DPYD: variants seen among roughly 807,000 people sequenced by gnomAD.
DPYD encodes the protein dihydropyrimidine dehydrogenase [NADP(+)].
Under a neutral mutation model 116.2 loss-of-function variants are expected in DPYD, and 109 were observed. The ratio of observed to expected loss-of-function variants is 0.94; its 90% confidence interval spans 0.80 to 1.10. The LOEUF (loss-of-function observed/expected upper bound fraction) is 1.10. Among genes scored for constraint, DPYD ranks in the 50% least tolerant of loss-of-function variants. The probability of loss-of-function intolerance (pLI) is 0.00; values close to 1 mark genes in which losing one functional copy is unlikely to be tolerated. For synonymous variants in DPYD, 440 were observed against 432.0 expected, an observed-to-expected ratio of 1.02 and a Z score of -0.23; for missense variants, 1,302 against 1,254.5, an observed-to-expected ratio of 1.04 and a Z score of -0.57.
intron 13 of DPYD, among the ~76,000 whole-genome samples, chr1:97,488,214 A>C (rs956912856): frequency 1.3e-5 from 2 of 152,144 alleles, no homozygotes; most frequent in Non-Finnish European, 2.9e-5. Context: ...TTTATACAAT[A>C]TTTTTGAAAT....
intron 20 of DPYD, among the ~76,000 whole-genome samples, chr1:97,188,369 G>A (rs774373666): frequency 1.3e-5 from 2 of 152,106 alleles, no homozygotes; most frequent in Admixed American, 6.6e-5. Flanking sequence ...GATCTAGCTG[G>A]AATTTTAATT....
intron 13 of DPYD, among the ~76,000 whole-genome samples, chr1:97,502,573 T>A (rs181943294): frequency 7.4e-4 from 112 of 152,132 alleles, no homozygotes; most frequent in Non-Finnish European, 9.4e-4. Context: ...ATTTAAGATG[T>A]CAAAGTCCAC....
chr1:97,635,454 T>C (rs1657505130), intron 8 of DPYD, among the ~76,000 whole-genome samples: 1 of 152,122 alleles, frequency 6.6e-6, no homozygotes, highest in African/African-American at 2.4e-5. Context: ...GGCTCCGCCA[T>C]GGGATTATGT....
intron 2 of DPYD, among the ~76,000 whole-genome samples, chr1:97,832,749 G>C (rs968040606): frequency 1.3e-5 from 2 of 152,148 alleles, no homozygotes; most frequent in Non-Finnish European, 2.9e-5. Flanking sequence ...GGAAGGTCTA[G>C]AGTTTCAACT....
At chr1:97,762,811 C>T (rs918981309) in intron 3 of DPYD, among the ~76,000 whole-genome samples, 11 of 152,006 alleles carry the variant, frequency 7.2e-5, no homozygotes, top group African/African-American at 2.2e-4. Context: ...CTCACACTCC[C>T]GAAATAGGGT....
intron 13 of DPYD, among the ~76,000 whole-genome samples, chr1:97,464,655 A>C (rs1263387825): frequency 6.6e-6 from 1 of 152,218 alleles, no homozygotes; most frequent in Non-Finnish European, 1.5e-5. Flanking sequence ...CAGCTTCCAC[A>C]TAATGTTGAG....
At chr1:97,528,751 G>T (rs1211622267) in intron 12 of DPYD, among the ~76,000 whole-genome samples, 3 of 151,780 alleles carry the variant, frequency 2.0e-5, no homozygotes, top group East Asian at 1.9e-4. Context: ...AATTATTTTT[G>T]ACTCCATTCT....
At chr1:97,573,416 C>T (rs1373283226) in intron 11 of DPYD, among the ~76,000 whole-genome samples, 1 of 152,030 alleles carries the variant, frequency 6.6e-6, no homozygotes, top group Non-Finnish European at 1.5e-5. Context: ...TGAAGACTGG[C>T]TGTTCCAACT....
At chr1:97,222,125 T>C (rs916595746) in intron 19 of DPYD, among the ~76,000 whole-genome samples, 3 of 152,050 alleles carry the variant, frequency 2.0e-5, no homozygotes, top group Non-Finnish European at 4.4e-5. Flanking sequence ...AAATGAAGAA[T>C]AAAAATAGTA....
chr1:97,148,253 T>TG (rs58371356), intron 20 of DPYD, among the ~76,000 whole-genome samples: 32 of 62,274 alleles, frequency 5.1e-4, no homozygotes, highest in East Asian at 1.1e-3. Context: ...TGTGTGTGTG[T>TG]GGGGGGGGTG....
chr1:97,663,368 C>A (rs1659376308), intron 8 of DPYD, among the ~76,000 whole-genome samples: 2 of 152,160 alleles, frequency 1.3e-5, no homozygotes, highest in Admixed American at 1.3e-4. Context: ...CCGACTTGTA[C>A]CTATTTCTTA....
intron 3 of DPYD, among the ~76,000 whole-genome samples, chr1:97,760,840 C>A (rs1400015068): frequency 1.3e-5 from 2 of 152,086 alleles, no homozygotes; most frequent in African/African-American, 4.8e-5. Flanking sequence ...CCAAACGTCC[C>A]CTGCCTCAGG....
At position 97,197,816 on chromosome 1, in the gene DPYD, T is replaced by C. The variant is rs1402681017; in HGVS notation, c.2443-4568A>G. Among the ~76,000 whole-genome samples, 3 of 152,084 alleles carry C rather than the reference T, an allele frequency of 2.0e-5. No homozygotes were observed. In the East Asian group the frequency reaches 5.8e-4, roughly 29 times the overall value. ...GAGAATGTGAACTGAACACAAAACC[T>C]TAAGAGGAAGGAGAGACTACAAGAT... On this transcript the variant is annotated intron_variant, in intron 19 of 22. Coordinates refer to ENST00000370192, the MANE Select transcript of DPYD (RefSeq NM_000110.4).
intron 1 of DPYD, among the ~76,000 whole-genome samples, chr1:97,898,444 A>G (rs1308328014): frequency 2.0e-5 from 3 of 151,930 alleles, no homozygotes; most frequent in Non-Finnish European, 2.9e-5. Context: ...TGCAGCCTAT[A>G]AACTCTCTCA....
At chr1:97,097,975 C>G (rs532809296) in intron 21 of DPYD, among the ~76,000 whole-genome samples, 49 of 152,218 alleles carry the variant, frequency 3.2e-4, no homozygotes, top group African/African-American at 1.2e-3. Context: ...GTAACACATA[C>G]TCATAATTCT....
At chr1:97,505,632 G>T (rs1376932207) in intron 13 of DPYD, among the ~76,000 whole-genome samples, 2 of 151,582 alleles carry the variant, frequency 1.3e-5, no homozygotes, top group East Asian at 3.9e-4. Flanking sequence ...TACAGTTTAA[G>T]TTGTCTAAAG....
intron 14 of DPYD, among the ~76,000 whole-genome samples, chr1:97,396,677 C>T (rs1188473434): frequency 6.6e-6 from 1 of 152,010 alleles, no homozygotes; most frequent in Non-Finnish European, 1.5e-5. Context: ...AATCACCTTG[C>T]TGCTCCTTAT....
At chr1:97,706,119 ATATGT>A (rs148949733) in intron 5 of DPYD, among the ~76,000 whole-genome samples, 2,282 of 152,106 alleles carry the variant, frequency 0.015, 48 homozygotes, top group African/African-American at 0.049. Context: ...CCCACTTAGA[ATATGT>A]TATATTTTAA....
chr1:97,332,312 T>C (rs570286522), intron 16 of DPYD, among the ~76,000 whole-genome samples: 1 of 152,324 alleles, frequency 6.6e-6, no homozygotes, highest in African/African-American at 2.4e-5. Flanking sequence ...AAGAGCTAAA[T>C]AAAAATGTAC....
Sources: gnomAD v4.1 joint callset for allele counts (sites outside exome capture counted in the v4.1 genomes callset) on GRCh38, gnomAD v4.1.1 for gene constraint, MANE v1.5 for transcripts, NCBI Gene and HGNC (gene_info 2026-07-23, HGNC 2026-07-21) for gene names.